Variants in TNR observed in about 807,000 individuals in gnomAD.
TNR encodes the protein tenascin-R.
A neutral mutation model predicts 150.4 loss-of-function variants in TNR; 45 were observed. The observed-to-expected ratio is 0.30, with a 90% confidence interval of 0.24 to 0.38. TNR has a LOEUF of 0.38. Among genes scored for constraint, TNR ranks in the 10% least tolerant of loss-of-function variants. The probability of loss-of-function intolerance (pLI) is 1.00; values close to 1 mark genes in which losing one functional copy is unlikely to be tolerated. For missense variants in TNR, 1,544 were observed against 1,759.1 expected (o/e 0.88, Z 2.19); for synonymous variants, 687 against 678.4 (o/e 1.01, Z -0.20).
chr1:175,706,080 C>G (rs1666836206), intron 1 of TNR, among the ~76,000 whole-genome samples: 1 of 152,050 alleles, frequency 6.6e-6, no homozygotes, highest in African/African-American at 2.4e-5. Context: ...CCCCGCCAAC[C>G]CCCCACCAAA....
chr1:175,657,861 A>G (rs943835369), intron 1 of TNR, among the ~76,000 whole-genome samples: 3 of 117,240 alleles, frequency 2.6e-5, no homozygotes, highest in African/African-American at 9.9e-5. Flanking sequence ...ATGTATATAT[A>G]TATATATATA....
chr1:175,417,076 A>AAAGAAAGAAATC (rs1491457290), intron 2 of TNR, among the ~76,000 whole-genome samples: 127 of 113,728 alleles, frequency 1.1e-3, no homozygotes, highest in African/African-American at 3.2e-3. Flanking sequence ...AGAAAGAAAG[A>AAAGAAAGAAATC]AATCTAAGAA....
chr1:175,345,691 G>A (rs900035908), intron 18 of TNR, among the ~76,000 whole-genome samples: 7 of 151,900 alleles, frequency 4.6e-5, no homozygotes, highest in Non-Finnish European at 8.8e-5. Flanking sequence ...TAAGGTATTT[G>A]GAGGATAGAC....
chr1:175,721,353 T>C (rs1331021643), intron 1 of TNR, among the ~76,000 whole-genome samples: 1 of 152,194 alleles, frequency 6.6e-6, no homozygotes, highest in African/African-American at 2.4e-5. Context: ...AGAGATGACC[T>C]TTTTCTGCAT....
intron 2 of TNR, among the ~76,000 whole-genome samples, chr1:175,521,888 C>T (rs1427221793): frequency 1.3e-5 from 2 of 152,186 alleles, no homozygotes; most frequent in East Asian, 3.8e-4. Flanking sequence ...TATTGTCATG[C>T]ACTGCTATTT....
chr1:175,321,804 A>G lies in TNR; in HGVS notation c.*1553T>C, dbSNP rs981048280. ...TTTTTCCTTTGCAAGGCAGAATAAT[A>G]AAAGAAGATGGAAAGGCTTCTCATG... On this transcript the variant is annotated 3_prime_UTR_variant, in exon 23 of 23. Transcript: ENST00000367674. 2.0e-5 allele frequency: 3 copies of G among 152,218 alleles called. No homozygotes were observed. Among genetic ancestry groups the G allele is most frequent in the African/African-American group, 7.2e-5 (3 of 41,448 alleles). 9.4% of individuals were successfully genotyped at this position (152,218 alleles called of 1,614,324 possible). A position where few individuals can be genotyped will look rare whatever the true frequency, so the allele number is the denominator to read the frequency against.
Position 175,339,546 on chromosome 1 carries a change from T to G in TNR, c.3383-1867A>C, listed in dbSNP as rs529459049. 2.6e-5 allele frequency among the ~76,000 whole-genome samples: 4 copies of G among 152,320 alleles called. No individual in the cohort carries two copies. In the South Asian group the frequency reaches 8.3e-4, roughly 32 times the overall value. ...CTGATTTGGGAGCACTGCTATTATCTCCTCATTCTTGACCTGGCCTCTGGA... is the reference window on the plus strand; with the variant it reads ...CTGATTTGGGAGCACTGCTATTATCGCCTCATTCTTGACCTGGCCTCTGGA... On this transcript the variant is annotated intron_variant, in intron 18 of 22. Transcript: ENST00000367674.
intron 1 of TNR, among the ~76,000 whole-genome samples, chr1:175,603,880 C>G (rs1046211666): frequency 6.6e-6 from 1 of 152,196 alleles, no homozygotes; most frequent in Admixed American, 6.5e-5. Context: ...ACTGCAGGCT[C>G]CTTCAGGAGA....
intron 2 of TNR, among the ~76,000 whole-genome samples, chr1:175,487,337 C>T (rs2102134930): frequency 6.6e-6 from 1 of 152,328 alleles, no homozygotes; most frequent in African/African-American, 2.4e-5. Flanking sequence ...CACTCACCTC[C>T]TGCTGTGCAG....
intron 1 of TNR, among the ~76,000 whole-genome samples, chr1:175,547,443 A>G (rs1356966241): frequency 6.6e-6 from 1 of 152,172 alleles, no homozygotes; most frequent in African/African-American, 2.4e-5. Flanking sequence ...CTTGAGGAGG[A>G]AAAGATGAAG....
chr1:175,447,192 G>C (rs889844598), intron 2 of TNR, among the ~76,000 whole-genome samples: 1 of 152,098 alleles, frequency 6.6e-6, no homozygotes, highest in Non-Finnish European at 1.5e-5. Context: ...TGGAAGTAGG[G>C]GTGGTATGGA....
rs545604615 is a variant in TNR, at chr1:175,464,376, A to G, written c.-63-57599T>C. On this transcript the variant is annotated intron_variant, in intron 2 of 22. Coordinates refer to ENST00000367674, the MANE Select transcript of TNR (RefSeq NM_003285.3). ...AATCTTGAAGAAAAGCAAGAAGCCC[A>G]TTAATAAAGACAATAGATGATACAA... 1.8e-4 allele frequency among the ~76,000 whole-genome samples: 28 copies of G among 152,338 alleles called. No homozygotes were observed. The East Asian group carries it at 5.2e-3, about 28-fold the overall frequency.
chr1:175,418,807 T>A (rs983087877), intron 2 of TNR, among the ~76,000 whole-genome samples: 1 of 151,702 alleles, frequency 6.6e-6, no homozygotes, highest in Non-Finnish European at 1.5e-5. Context: ...GATAGTACAA[T>A]GTAGGGGTGA....
At chr1:175,495,889 C>T (rs917274305) in intron 2 of TNR, among the ~76,000 whole-genome samples, 3 of 152,136 alleles carry the variant, frequency 2.0e-5, no homozygotes, top group African/African-American at 4.8e-5. Context: ...ATTCAGGAGG[C>T]GGAGCAGAAT....
At chr1:175,725,049 C>T (rs945154694) in intron 1 of TNR, among the ~76,000 whole-genome samples, 1 of 152,082 alleles carries the variant, frequency 6.6e-6, no homozygotes, top group Non-Finnish European at 1.5e-5. Flanking sequence ...TTGCCTGTGT[C>T]CTAAGATCAA....
chr1:175,372,811 G>A (rs1344905830), intron 9 of TNR, among the ~76,000 whole-genome samples: 2 of 152,180 alleles, frequency 1.3e-5, no homozygotes, highest in African/African-American at 4.8e-5. Context: ...AAATCCCTGA[G>A]ATCATCTCCC....
At chr1:175,628,738 T>C (rs79359882) in intron 1 of TNR, among the ~76,000 whole-genome samples, 4 of 152,144 alleles carry the variant, frequency 2.6e-5, no homozygotes, top group Non-Finnish European at 4.4e-5. Flanking sequence ...AAACTTCCTC[T>C]ACAGCACTTT....
At chr1:175,445,771 C>A (rs940090413) in intron 2 of TNR, among the ~76,000 whole-genome samples, 1 of 152,202 alleles carries the variant, frequency 6.6e-6, no homozygotes, top group Admixed American at 6.5e-5. Flanking sequence ...ATAGAAAACT[C>A]CCCGAGGTTA....
intron 1 of TNR, among the ~76,000 whole-genome samples, chr1:175,741,380 T>C (rs1443754171): frequency 6.6e-6 from 1 of 152,204 alleles, no homozygotes; most frequent in Non-Finnish European, 1.5e-5. Context: ...CTACTAAGTA[T>C]GGTGACTTCA....
Sources: allele counts gnomAD v4.1 joint callset (sites outside exome capture counted in the v4.1 genomes callset), GRCh38; gene constraint gnomAD v4.1.1; transcripts MANE v1.5; gene names NCBI Gene and HGNC (gene_info 2026-07-23, HGNC 2026-07-21).